The following ADAT1 variants were observed in gnomAD, a reference collection of about 807,000 sequenced individuals.
The protein encoded by ADAT1 is adenosine deaminase tRNA specific 1, also known as tRNA-specific adenosine deaminase 1.
Under a neutral mutation model 58.6 loss-of-function variants are expected in ADAT1, and 58 were observed. The observed-to-expected ratio is 0.99, with a 90% confidence interval of 0.80 to 1.23. The LOEUF (loss-of-function observed/expected upper bound fraction) is 1.23. Among genes scored for constraint, ADAT1 ranks in the 50% most tolerant of loss-of-function variants. The probability of loss-of-function intolerance (pLI) is 0.00; values close to 1 mark genes in which losing one functional copy is unlikely to be tolerated. For missense variants in ADAT1, 741 were observed against 608.6 expected, an observed-to-expected ratio of 1.22 and a Z score of -2.29; for synonymous variants, 254 against 220.8, an observed-to-expected ratio of 1.15 and a Z score of -1.33.
Position 75,599,019 on chromosome 16 carries a change from A to G in ADAT1, c.*1197T>C, listed in dbSNP as rs1341259599. On this transcript the variant is annotated 3_prime_UTR_variant, in exon 10 of 10. Transcript: ENST00000564657. ...AGTTGAGTGTTAAACATTCGATGTTAAAACAGGATTGGCTGCTGGGTCTAT... is the reference window on the plus strand; with the variant it reads ...AGTTGAGTGTTAAACATTCGATGTTGAAACAGGATTGGCTGCTGGGTCTAT... 5.1e-6 allele frequency: 5 copies of G among 984,896 alleles called. No homozygotes were observed. Among genetic ancestry groups the G allele is most frequent in the East Asian group, 1.1e-4 (1 of 8,808 alleles). The allele number at this position is 984,896 out of a possible 1,614,324, so 61.0% of individuals were successfully genotyped here.
intron 6 of ADAT1, among the ~76,000 whole-genome samples, chr16:75,610,927 C>T (rs2081512103): frequency 6.6e-6 from 1 of 152,054 alleles, no homozygotes; most frequent in African/African-American, 2.4e-5. Flanking sequence ...GCCTGGGTAA[C>T]CCAATAACAC....
At chr16:75,619,702 G>A (rs1207951900) in intron 3 of ADAT1, 1 of 440,754 alleles carries the variant, frequency 2.3e-6, no homozygotes, top group Non-Finnish European at 4.6e-6. Context: ...CCTGAGGTCA[G>A]GAGTTCAAGA....
Position 75,622,502 on chromosome 16 carries a change from T to C in ADAT1, c.-121A>G, listed in dbSNP as rs16941008. On this transcript the variant is annotated 5_prime_UTR_variant, in exon 1 of 10. Transcript: ENST00000564657. ...CAGAGGTGCAATTCACAAACCTCGATAGGCAAGGCAGGTAGAAGTTGCCAG... is the reference window on the plus strand; with the variant it reads ...CAGAGGTGCAATTCACAAACCTCGACAGGCAAGGCAGGTAGAAGTTGCCAG... The C allele has an allele frequency of 0.13, 20,478 of 152,184 alleles. 3,045 individuals carry two copies. The highest frequency in any genetic ancestry group is 0.37 in the African/African-American group (15,507 of 41,470). The allele number at this position is 152,184 out of a possible 1,614,324, so 9.4% of individuals were successfully genotyped here. A position where few individuals can be genotyped will look rare whatever the true frequency, so the allele number is the denominator to read the frequency against.
In ADAT1 at chr16:75,610,329, T is replaced by A. The variant is rs556076641; in HGVS notation, c.1044-1341A>T. ...TTTTTTTTTGGAGACAGGGTTTCAC[T>A]CTGTTGTCTAGGATGGAGTGCAGTG... On this transcript the variant is annotated intron_variant, in intron 6 of 9. Coordinates refer to ENST00000564657, the MANE Select transcript of ADAT1 (RefSeq NM_001324445.2). 1.8e-4 allele frequency among the ~76,000 whole-genome samples: 28 copies of A among 151,850 alleles called. No homozygotes were observed. In the South Asian group the frequency reaches 5.8e-3, roughly 32 times the overall value.
At position 75,599,517 on chromosome 16, in the gene ADAT1, T is replaced by C; in HGVS notation, c.*699A>G. 4.1e-6 allele frequency: 4 copies of C among 985,934 alleles called. No homozygotes were observed. Among genetic ancestry groups the C allele is most frequent in the Non-Finnish European group, 4.8e-6 (4 of 829,968 alleles). 61.1% of individuals were successfully genotyped at this position (985,934 alleles called of 1,614,324 possible). ...AACAGTGTTACTAGATCTTTGATTC[T>C]CTTGGCTGTTTCCTTTGTTGCCTTC... On this transcript the variant is annotated 3_prime_UTR_variant, in exon 10 of 10. Transcript: ENST00000564657.
In ADAT1 at chr16:75,597,320, C is replaced by A; in HGVS notation, c.*2896G>T. 2.3e-6 allele frequency: 1 copy of A among 438,900 alleles called. No individual in the cohort carries two copies. 27.2% of individuals were successfully genotyped at this position (438,900 alleles called of 1,614,324 possible). On this transcript the variant is annotated 3_prime_UTR_variant, in exon 10 of 10. Coordinates refer to ENST00000564657, the MANE Select transcript of ADAT1 (RefSeq NM_001324445.2). ...CATGCGAGACACAGACACAGAAGGC[C>A]ATGTGAAGACGGAGGGAGAAACTGA...
intron 8 of ADAT1, among the ~76,000 whole-genome samples, chr16:75,607,314 G>C (rs2865829): frequency 0.014 from 2,093 of 152,080 alleles, 58 homozygotes; most frequent in African/African-American, 0.048. Context: ...GACCAGCCTG[G>C]CCAACATGGC....
At chr16:75,602,940 T>C in intron 9 of ADAT1, 145 bp downstream of exon 9, 1 of 707,644 alleles carries the variant, frequency 1.4e-6, no homozygotes, top group Non-Finnish European at 2.5e-6. Flanking sequence ...CAAATAGGGC[T>C]ATGGGGAAAG....
intron 3 of ADAT1, among the ~76,000 whole-genome samples, chr16:75,619,980 C>A (rs1259416078): frequency 6.6e-6 from 1 of 151,888 alleles, no homozygotes; most frequent in Non-Finnish European, 1.5e-5. Context: ...AGTCCCAAAG[C>A]CTTCCAGACC....
chr16:75,622,029 A>G (rs1341622283), intron 1 of ADAT1, among the ~76,000 whole-genome samples: 1 of 152,212 alleles, frequency 6.6e-6, no homozygotes, highest in Non-Finnish European at 1.5e-5. Flanking sequence ...GCGTGCCTGT[A>G]GTCCCAGCTA....
At chr16:75,620,882 CCT>C in intron 1 of ADAT1, 62 bp from the exon 2 acceptor site, 1 of 1,385,218 alleles carries the variant, frequency 7.2e-7, no homozygotes, top group Non-Finnish European at 9.8e-7. Flanking sequence ...GATGCTACAG[CCT>C]CTCATATCCA....
Position 75,597,306 on chromosome 16 carries a change from C to G in ADAT1, c.*2910G>C. 4.7e-6 allele frequency: 2 copies of G among 424,682 alleles called. No individual in the cohort carries two copies. Among genetic ancestry groups the G allele is most frequent in the Middle Eastern group, 3.8e-4 (1 of 2,660 alleles). 26.3% of individuals were successfully genotyped at this position (424,682 alleles called of 1,614,324 possible). A position where few individuals can be genotyped will look rare whatever the true frequency, so the allele number is the denominator to read the frequency against. ...ACAGGGAAGAAGGCCATGCGAGACACAGACACAGAAGGCCATGTGAAGACG... is the reference window on the plus strand; with the variant it reads ...ACAGGGAAGAAGGCCATGCGAGACAGAGACACAGAAGGCCATGTGAAGACG... On this transcript the variant is annotated 3_prime_UTR_variant, in exon 10 of 10. Coordinates refer to ENST00000564657, the MANE Select transcript of ADAT1 (RefSeq NM_001324445.2).
At chr16:75,604,651 A>G (rs1029767156) in intron 8 of ADAT1, among the ~76,000 whole-genome samples, 1 of 151,782 alleles carries the variant, frequency 6.6e-6, no homozygotes, top group Non-Finnish European at 1.5e-5. Context: ...AAGCGCAACT[A>G]TAAAAAACCT....
intron 3 of ADAT1, 103 bp from the exon 4 acceptor site, chr16:75,618,743 T>C: frequency 9.5e-6 from 13 of 1,369,004 alleles, no homozygotes; most frequent in Non-Finnish European, 1.3e-5. Flanking sequence ...AGGATGGTCA[T>C]GTAGCTCCTG....
intron 3 of ADAT1, chr16:75,619,496 C>T (rs1396078168): frequency 4.9e-6 from 2 of 409,668 alleles, no homozygotes; most frequent in Non-Finnish European, 9.6e-6. Flanking sequence ...ATGATAGTAC[C>T]ACCGTACTTC....
rs776542168 is a variant in ADAT1, at chr16:75,608,947, T to C, written c.1085A>G (p.Gln362Arg). 2 of 1,614,246 alleles carry C rather than the reference T, an allele frequency of 1.2e-6. No homozygotes were observed. Among genetic ancestry groups the C allele is most frequent in the African/African-American group, 2.7e-5 (2 of 75,068 alleles). Residue 362 changes from glutamine (Q) to arginine (R), a missense_variant, in exon 7 of 10, where the codon CAA becomes CGA. Physicochemically the swap from Gln to Arg is conservative, Grantham distance 43. Coordinates refer to ENST00000564657, the MANE Select transcript of ADAT1 (RefSeq NM_001324445.2). ...VSALPKGFGV[Q>R]ELKILQSDLL... ...ATCTGACTGCAGTATTTTTAATTCT[T>C]GAACTCCGAAGCCTTTTGGTAAAGC... is the stretch of plus-strand genomic sequence containing the variant.
chr16:75,612,285 C>T lies in ADAT1; in HGVS notation c.1001G>A (p.Cys334Tyr). The T allele has an allele frequency of 1.2e-6, 2 of 1,614,140 alleles. No homozygotes were observed. The highest frequency in any genetic ancestry group is 1.7e-6 in the Non-Finnish European group (2 of 1,180,026). ...IYLSAVVIGK[C>Y]PYSQEAMQRA... ...CTGCATGGCTTCCTGGCTGTATGGG[C>T]ACTTCCCAATGACCACAGCTGACAG... Residue 334 changes from cysteine to tyrosine, a missense_variant, in exon 6 of 10, where the codon TGC (cysteine) becomes TAC (tyrosine). Transcript: ENST00000564657.
chr16:75,620,410 C>T (rs1192117326), intron 2 of ADAT1, 76 bp from the exon 3 acceptor site: 3 of 1,532,192 alleles, frequency 2.0e-6, no homozygotes, highest in Non-Finnish European at 2.7e-6. Flanking sequence ...TCAGCCTGCA[C>T]ACTCCTCTAG....
rs376407963 is a variant in ADAT1, at chr16:75,613,955, G to C, written c.425-1094C>G. On this transcript the variant is annotated intron_variant, in intron 5 of 9. Transcript: ENST00000564657. ...GCCTGTAATCCCAGCACTTTGGGAGGCCGAGGTGGGCGGATCACGAGGTGA... is the reference window on the plus strand; with the variant it reads ...GCCTGTAATCCCAGCACTTTGGGAGCCCGAGGTGGGCGGATCACGAGGTGA... 1.4e-4 allele frequency among the ~76,000 whole-genome samples: 21 copies of C among 152,260 alleles called. No homozygotes were observed. In the South Asian group the frequency reaches 4.4e-3, roughly 32 times the overall value.
Sources: gnomAD v4.1 joint callset for allele counts (sites outside exome capture counted in the v4.1 genomes callset) on GRCh38, gnomAD v4.1.1 for gene constraint, MANE v1.5 for transcripts, NCBI Gene and HGNC (gene_info 2026-07-23, HGNC 2026-07-21) for gene names.